Variants in ZCCHC2 observed in about 807,000 individuals in gnomAD.
The protein encoded by ZCCHC2 is zinc finger CCHC domain-containing protein 2.
A neutral mutation model predicts 103.6 loss-of-function variants in ZCCHC2; 39 were observed. The ratio of observed to expected loss-of-function variants is 0.38; its 90% CI spans 0.29 to 0.49. The LOEUF (loss-of-function observed/expected upper bound fraction) is 0.49. ZCCHC2 is among the 20% of genes least tolerant of loss of function. The probability of loss-of-function intolerance (pLI) is 0.96; values close to 1 mark genes in which losing one functional copy is unlikely to be tolerated. For missense variants in ZCCHC2, 1,483 were observed against 1,491.0 expected (o/e 0.99, Z 0.09); for synonymous variants, 687 against 608.9 (o/e 1.13, Z -1.89).
At chr18:62,558,846 A>G in intron 7 of ZCCHC2, 76 bp downstream of exon 7, 2 of 951,110 alleles carry the variant, frequency 2.1e-6, no homozygotes, top group Non-Finnish European at 3.1e-6. Flanking sequence ...GAGTGAAGAA[A>G]CTGACATATA....
At chr18:62,550,485 A>G (rs1240675782) in intron 5 of ZCCHC2, 25 bp downstream of exon 5, 2 of 1,575,170 alleles carry the variant, frequency 1.3e-6, no homozygotes, top group South Asian at 1.1e-5. Context: ...GACGCCTATC[A>G]TAGCAGCATA....
rs1453303147 is a variant in ZCCHC2 at position 62,570,139 on chromosome 18, G to A, written c.1883G>A (p.Cys628Tyr). ...GACATTGGCTCTGGACATGACACAT[G>A]TGGAGAAACATCTTCAGAGAGTTAC... ...NLDIGSGHDTCGETSSESYSS... is the reference protein window; with the variant it reads ...NLDIGSGHDTYGETSSESYSS... The change falls in exon 12 of 14, where the codon TGT becomes TAT. Residue 628 changes from cysteine to tyrosine, a missense_variant. Cys to Tyr is a radical substitution (Grantham distance 194). Transcript: ENST00000269499. 2 of 1,612,618 alleles carry A rather than the reference G, an allele frequency of 1.2e-6. No homozygotes were observed. The highest frequency in any genetic ancestry group is 1.3e-5 in the African/African-American group (1 of 74,902).
chr18:62,539,441 GTA>G (rs553402565), intron 1 of ZCCHC2: 180 of 395,614 alleles, frequency 4.5e-4, no homozygotes, highest in African/African-American at 3.4e-3. Flanking sequence ...TGGCAACTCT[GTA>G]TATTATTAAG....
chr18:62,536,615 C>T (rs1228223314), intron 1 of ZCCHC2, among the ~76,000 whole-genome samples: 2 of 152,200 alleles, frequency 1.3e-5, no homozygotes, highest in Non-Finnish European at 2.9e-5. Context: ...GCCGAGCAGC[C>T]ACCCACCATT....
chr18:62,542,702 G>GT (rs1915252683), intron 3 of ZCCHC2, 128 bp downstream of exon 3: 2 of 785,840 alleles, frequency 2.5e-6, no homozygotes, highest in Non-Finnish European at 4.0e-6. Flanking sequence ...AGAATGTACT[G>GT]TTTTTTATCA....
At chr18:62,553,088 C>G (rs1915732770) in intron 5 of ZCCHC2, among the ~76,000 whole-genome samples, 1 of 151,850 alleles carries the variant, frequency 6.6e-6, no homozygotes, top group Non-Finnish European at 1.5e-5. Flanking sequence ...TTCCCATTCT[C>G]CAAATCTGAC....
Position 62,574,524 on chromosome 18 carries a change from C to T in ZCCHC2, c.2443C>T (p.Leu815=), listed in dbSNP as rs1224394444. The T allele has an allele frequency of 3.7e-6, 6 of 1,613,876 alleles. No homozygotes were observed. Among genetic ancestry groups the T allele is most frequent in the Non-Finnish European group, 5.1e-6 (6 of 1,179,902 alleles). ...CGCTTTGCATCTTACAGTTCAGAGG[C>T]TAAAGTTGCCACCACCACAGGGATC... ...TPALHLTVQR[L]KLPPPQGSSE... The change falls in exon 13 of 14, where the codon CTA becomes TTA. Residue 815 remains leucine, a synonymous_variant. Coordinates refer to ENST00000269499, the MANE Select transcript of ZCCHC2 (RefSeq NM_017742.6).
At chr18:62,569,886 A>G (rs1304625189) in intron 11 of ZCCHC2, among the ~76,000 whole-genome samples, 1 of 152,182 alleles carries the variant, frequency 6.6e-6, no homozygotes, top group African/African-American at 2.4e-5. Flanking sequence ...TGAAGTCAGT[A>G]AGATTGACTT....
In ZCCHC2 at chr18:62,577,200, A is replaced by G. The variant is rs1181903340; in HGVS notation, c.*621A>G. On this transcript the variant is annotated 3_prime_UTR_variant, in exon 14 of 14. Coordinates refer to ENST00000269499, the MANE Select transcript of ZCCHC2 (RefSeq NM_017742.6). ...GTAATAAACAGCGTCACGTAAATACATATATGCAGTGCTTGTTGTCCAAAT... is the reference window on the plus strand; with the variant it reads ...GTAATAAACAGCGTCACGTAAATACGTATATGCAGTGCTTGTTGTCCAAAT... 1 of 152,694 alleles carries G rather than the reference A, an allele frequency of 6.5e-6. No homozygotes were observed. The highest frequency in any genetic ancestry group is 6.5e-5 in the Admixed American group (1 of 15,286). 9.5% of individuals were successfully genotyped at this position (152,694 alleles called of 1,614,324 possible).
intron 1 of ZCCHC2, among the ~76,000 whole-genome samples, chr18:62,527,318 C>A (rs1383039518): frequency 4.6e-5 from 7 of 151,958 alleles, no homozygotes. Context: ...GTCTTTAATG[C>A]CAATTTTATA....
At chr18:62,568,736 C>G (rs1046187611) in intron 11 of ZCCHC2, among the ~76,000 whole-genome samples, 1 of 152,188 alleles carries the variant, frequency 6.6e-6, no homozygotes, top group Non-Finnish European at 1.5e-5. Flanking sequence ...TGAGAATATC[C>G]TGTTGAATCT....
rs1009771333 is a variant in ZCCHC2 at position 62,564,706 on chromosome 18, A to G, written c.1751+71A>G. On this transcript the variant is annotated intron_variant, in intron 10 of 13. Transcript: ENST00000269499. ...GCCTGTTTAGTTTATGATAGTATAC[A>G]ACATAGTATTTTTTTAGTTAGTTTT... The G allele has an allele frequency of 4.4e-6, 5 of 1,140,088 alleles. 1 individual carries two copies. Among genetic ancestry groups the G allele is most frequent in the Non-Finnish European group, 6.1e-6 (5 of 818,614 alleles). The allele number at this position is 1,140,088 out of a possible 1,614,324, so 70.6% of individuals were successfully genotyped here.
intron 1 of ZCCHC2, among the ~76,000 whole-genome samples, chr18:62,531,935 G>A (rs1390551268): frequency 6.6e-6 from 1 of 152,222 alleles, no homozygotes; most frequent in African/African-American, 2.4e-5. Context: ...AGTGAGCTGT[G>A]GTGGTACCAC....
At chr18:62,551,742 A>T (rs1915673987) in intron 5 of ZCCHC2, 1 of 153,184 alleles carries the variant, frequency 6.5e-6, no homozygotes, top group Non-Finnish European at 1.5e-5. Flanking sequence ...GGAGGGACAT[A>T]AATTCAGGAA....
intron 13 of ZCCHC2, 77 bp from the exon 14 acceptor site, chr18:62,576,435 T>C: frequency 7.8e-7 from 1 of 1,286,836 alleles, no homozygotes; most frequent in East Asian, 2.4e-5. Context: ...AGCATGCCCG[T>C]GTGATAGCTT....
At chr18:62,547,586 C>G (rs540058395) in intron 4 of ZCCHC2, among the ~76,000 whole-genome samples, 2 of 150,248 alleles carry the variant, frequency 1.3e-5, no homozygotes, top group Non-Finnish European at 3.0e-5. Context: ...CAGTCTTGCT[C>G]CATATCCCAG....
intron 2 of ZCCHC2, among the ~76,000 whole-genome samples, chr18:62,540,705 A>G (rs1447188527): frequency 2.0e-5 from 3 of 152,232 alleles, no homozygotes; most frequent in Non-Finnish European, 4.4e-5. Context: ...AGAAGAACGT[A>G]GAGATTATAT....
At chr18:62,534,166 C>G (rs1460298481) in intron 1 of ZCCHC2, among the ~76,000 whole-genome samples, 1 of 152,022 alleles carries the variant, frequency 6.6e-6, no homozygotes, top group Non-Finnish European at 1.5e-5. Context: ...AAAAAATTAG[C>G]CTGGCATGGT....
chr18:62,545,784 T>G (rs1429009208), intron 4 of ZCCHC2, among the ~76,000 whole-genome samples: 1 of 152,218 alleles, frequency 6.6e-6, no homozygotes, highest in Admixed American at 6.5e-5. Flanking sequence ...ACATATAACA[T>G]ACGATATTAT....
Sources: allele counts gnomAD v4.1 joint callset (sites outside exome capture counted in the v4.1 genomes callset), GRCh38; gene constraint gnomAD v4.1.1; transcripts MANE v1.5; gene names NCBI Gene and HGNC (gene_info 2026-07-23, HGNC 2026-07-21).